Variants in SORL1 observed in about 807,000 individuals in gnomAD.
SORL1 encodes sortilin-related receptor.
SORL1 carries 127 observed loss-of-function variants against 273.7 expected under a neutral mutation model. The observed-to-expected ratio is 0.46, with a 90% CI of 0.40 to 0.54. SORL1 has a LOEUF of 0.54. SORL1 is among the 20% of genes least tolerant of loss of function. The pLI is 0.00. For synonymous variants in SORL1, 1,031 were observed against 1,067.4 expected, an observed-to-expected ratio of 0.97 and a Z score of 0.66; for missense variants, 2,494 against 2,846.1, an observed-to-expected ratio of 0.88 and a Z score of 2.81.
At chr11:121,618,738 G>C (rs1863675654) in intron 41 of SORL1, 36 bp from the exon 42 acceptor site, 1 of 1,613,190 alleles carries the variant, frequency 6.2e-7, no homozygotes, top group Admixed American at 1.7e-5. Context: ...ATCGGCCCAT[G>C]AGCTGATGTC....
intron 38 of SORL1, chr11:121,610,367 C>T (rs1863544884): frequency 6.6e-6 from 1 of 152,224 alleles, no homozygotes; most frequent in African/African-American, 2.4e-5. Context: ...TCCTTGCCCC[C>T]TCGACTCTTA....
chr11:121,470,255 G>T lies in SORL1; in HGVS notation c.402+132G>T. On this transcript the variant is annotated intron_variant, in intron 2 of 47. Coordinates refer to ENST00000260197, the MANE Select transcript of SORL1 (RefSeq NM_003105.6). ...AATGGATGAATTGTATGACAGGGAA[G>T]ATAATCTAGAAAATGATATATCCCT... The T allele has an allele frequency of 2.8e-6, 2 of 727,256 alleles. 1 individual carries two copies. The highest frequency in any genetic ancestry group is 3.0e-5 in the South Asian group (2 of 65,612). 45.1% of individuals were successfully genotyped at this position (727,256 alleles called of 1,614,324 possible).
At chr11:121,530,907 A>T (rs929123885) in intron 11 of SORL1, among the ~76,000 whole-genome samples, 1 of 152,174 alleles carries the variant, frequency 6.6e-6, no homozygotes, top group Non-Finnish European at 1.5e-5. Flanking sequence ...GAAGTTCACT[A>T]ATTCCTTTGT....
intron 5 of SORL1, among the ~76,000 whole-genome samples, chr11:121,490,448 T>A (rs987566216): frequency 1.3e-5 from 2 of 152,114 alleles, no homozygotes; most frequent in African/African-American, 4.8e-5. Context: ...TATATAAAAT[T>A]CATGCATTTC....
chr11:121,588,117 C>T lies in SORL1; in HGVS notation c.3912C>T (p.Asp1304=), dbSNP rs199677752. The change falls in exon 28 of 48, where the codon GAC becomes GAT. Residue 1304 remains aspartate (D), a synonymous_variant. Coordinates refer to ENST00000260197, the MANE Select transcript of SORL1 (RefSeq NM_003105.6). ...GTGACGGAATCATCCAGTGCCGCGA[C>T]GGGTCCGATGAGGATGCGGCGTTTG... ...MVCDGIIQCR[D]GSDEDAAFAG... 71 of 1,613,802 alleles carry T rather than the reference C, an allele frequency of 4.4e-5. No individual in the cohort carries two copies. Among genetic ancestry groups the T allele is most frequent in the South Asian group, 2.3e-4 (21 of 91,068 alleles).
At chr11:121,525,811 G>A (rs1032114985) in intron 11 of SORL1, among the ~76,000 whole-genome samples, 2 of 152,134 alleles carry the variant, frequency 1.3e-5, no homozygotes, top group African/African-American at 2.4e-5. Context: ...CACTTCGGAC[G>A]GCTGAGGTAA....
In SORL1 at chr11:121,455,915, C is replaced by T. The variant is rs112947652; in HGVS notation, c.285+3299C>T. Among the ~76,000 whole-genome samples, 487 of 152,116 alleles carry T rather than the reference C, an allele frequency of 3.2e-3. 6 individuals are homozygous for T. Among genetic ancestry groups the T allele is most frequent in the African/African-American group, 0.01 (427 of 41,474 alleles). ...GGCTGAGGCAGGAGAATCGCTTGAA[C>T]CCCGGAGGCGGAGGTTGCAGTGAGC... On this transcript the variant is annotated intron_variant, in intron 1 of 47. Transcript: ENST00000260197.
At chr11:121,610,080 T>C (rs1863539195) in intron 38 of SORL1, 1 of 152,294 alleles carries the variant, frequency 6.6e-6, no homozygotes, top group Non-Finnish European at 1.5e-5. Context: ...ATTGATCATC[T>C]GGACAGACCT....
intron 25 of SORL1, among the ~76,000 whole-genome samples, chr11:121,580,757 A>G (rs1031104499): frequency 2.6e-5 from 4 of 151,862 alleles, no homozygotes; most frequent in Non-Finnish European, 2.9e-5. Flanking sequence ...GACATGTGCC[A>G]TCATGCCTGG....
chr11:121,573,084 A>C (rs1381286389), intron 23 of SORL1, among the ~76,000 whole-genome samples: 1 of 152,212 alleles, frequency 6.6e-6, no homozygotes, highest in Non-Finnish European at 1.5e-5. Context: ...ATTGTGCTTA[A>C]GCACAGGAAA....
chr11:121,620,963 G>A, intron 43 of SORL1, 101 bp from the exon 44 acceptor site: 1 of 821,954 alleles, frequency 1.2e-6, no homozygotes, highest in Non-Finnish European at 1.9e-6. Flanking sequence ...TGTTGCTGTG[G>A]GTCCCAGCTA....
At position 121,570,219 on chromosome 11, in the gene SORL1, T is replaced by G. The variant is rs1240634074; in HGVS notation, c.3286T>G (p.Trp1096Gly). 13 of 1,614,022 alleles carry G rather than the reference T, an allele frequency of 8.1e-6. No homozygotes were observed. Among genetic ancestry groups the G allele is most frequent in the Non-Finnish European group, 1.1e-5 (13 of 1,179,894 alleles). Residue 1096 changes from tryptophan to glycine, a missense_variant, in exon 23 of 48, where the codon TGG (tryptophan) becomes GGG (glycine). Trp to Gly is a radical substitution (Grantham distance 184). Transcript: ENST00000260197. ...CGGGAACTGTATCAACAGCATTTGG[T>G]GGTGTGACTTTGACAACGACTGTGG... is the stretch of plus-strand genomic sequence containing the variant. ...SNGNCINSIWWCDFDNDCGDM... is the reference protein window; with the variant it reads ...SNGNCINSIWGCDFDNDCGDM...
At chr11:121,606,640 A>G (rs898131580) in intron 35 of SORL1, among the ~76,000 whole-genome samples, 6 of 152,148 alleles carry the variant, frequency 3.9e-5, no homozygotes, top group African/African-American at 1.4e-4. Flanking sequence ...CTGAGCCATG[A>G]TGTGATGTGT....
chr11:121,483,824 C>A (rs765667391), intron 3 of SORL1, among the ~76,000 whole-genome samples: 1 of 152,002 alleles, frequency 6.6e-6, no homozygotes, highest in African/African-American at 2.4e-5. Context: ...TGAATGTAAC[C>A]TACAAATAAT....
At position 121,550,116 on chromosome 11, in the gene SORL1, G is replaced by C. The variant is rs771126126; in HGVS notation, c.2180+28G>C. The C allele has an allele frequency of 6.2e-7, 1 of 1,605,008 alleles. No individual in the cohort carries two copies. The highest frequency in any genetic ancestry group is 1.7e-4 in the Middle Eastern group (1 of 6,008). On this transcript the variant is annotated intron_variant, in intron 15 of 47. Transcript: ENST00000260197. The surrounding 1 kb of genome is among the most constrained non-coding windows in gnomAD (Gnocchi z 5.3). ...ATGTATCACAGAGGTTGCCCTGTCA[G>C]GTTCTCAGCGGTCCGCACATGGAGC... is the stretch of plus-strand genomic sequence containing the variant.
chr11:121,619,926 GT>G lies in SORL1; in HGVS notation c.5889+11del. On this transcript the variant is annotated intron_variant, in intron 43 of 47. Transcript: ENST00000260197. Reference sequence around the variant, plus strand: ...CTCCTGACCAGGACTTGGTGAGTGGGTTGGGCTTCCAGGCCTCTTTGTTTAT... The same window carrying G: ...CTCCTGACCAGGACTTGGTGAGTGGGTGGGCTTCCAGGCCTCTTTGTTTAT... 1 of 1,610,124 alleles carries G rather than the reference GT, an allele frequency of 6.2e-7. No individual in the cohort carries two copies. The highest frequency in any genetic ancestry group is 8.5e-7 in the Non-Finnish European group (1 of 1,177,376).
chr11:121,509,867 A>C (rs751234384), intron 6 of SORL1, among the ~76,000 whole-genome samples: 1 of 152,234 alleles, frequency 6.6e-6, no homozygotes, highest in Non-Finnish European at 1.5e-5. Context: ...TTAGATTCAA[A>C]TATTTAAATC....
At chr11:121,490,227 C>T (rs1257402001) in intron 5 of SORL1, 117 bp downstream of exon 5, 2 of 710,008 alleles carry the variant, frequency 2.8e-6, no homozygotes, top group Admixed American at 2.2e-5. Context: ...TCAGGAAATA[C>T]ATTTTTCCAG....
At position 121,586,348 on chromosome 11, in the gene SORL1, C is replaced by T; in HGVS notation, c.3814+19C>T. On this transcript the variant is annotated intron_variant, in intron 27 of 47. Coordinates refer to ENST00000260197, the MANE Select transcript of SORL1 (RefSeq NM_003105.6). ...CACTGCGGTGAGTTCATTCCTTGCC[C>T]CCAGGAAGCACTCAGGCCTAGTGAT... The T allele has an allele frequency of 1.9e-6, 3 of 1,578,632 alleles. No individual in the cohort carries two copies. In the African/African-American group the frequency reaches 4.0e-5, roughly 21 times the overall value.
Sources: allele counts gnomAD v4.1 joint callset (sites outside exome capture counted in the v4.1 genomes callset), GRCh38; gene constraint gnomAD v4.1.1; non-coding constraint Gnocchi (gnomAD v3.1); transcripts MANE v1.5; gene names NCBI Gene and HGNC (gene_info 2026-07-23, HGNC 2026-07-21).